Variants in SBNO2 observed in about 807,000 individuals in gnomAD.
The protein encoded by SBNO2 is protein strawberry notch homolog 2.
In SBNO2, 89 loss-of-function variants were observed where a neutral mutation model predicts 146.3. The observed-to-expected ratio is 0.61, with a 90% CI of 0.51 to 0.73. The LOEUF (loss-of-function observed/expected upper bound fraction) is 0.73. SBNO2 is among the 30% of genes least tolerant of loss of function. The pLI, the probability that SBNO2 is intolerant of heterozygous loss-of-function variation, is 0.00. For missense variants in SBNO2, 2,092 were observed against 2,003.7 expected (o/e 1.04, Z -0.84); for synonymous variants, 1,147 against 892.6 (o/e 1.29, Z -5.08).
intron 4 of SBNO2, chr19:1,128,198 G>A (rs1275915108): frequency 1.8e-5 from 9 of 495,136 alleles, no homozygotes; most frequent in Non-Finnish European, 3.6e-5. Flanking sequence ...GGCCACGCAG[G>A]ACGGCGTCTG....
Position 1,127,754 on chromosome 19 carries a change from A to G in SBNO2, c.291T>C (p.Tyr97=). Residue 97 remains tyrosine, a synonymous_variant, in exon 5 of 32, where the codon TAT becomes TAC. Transcript: ENST00000361757. ...KTCDFAQDSS[Y]FEDFSNISIF... is the part of the protein sequence containing the mutation. ...TGGAGATGTTGGAGAAGTCCTCAAA[A>G]TAGGAGGAGTCCTGGAAGACAAGGC... 1 of 1,613,330 alleles carries G rather than the reference A, an allele frequency of 6.2e-7. No individual in the cohort carries two copies. The highest frequency in any genetic ancestry group is 8.5e-7 in the Non-Finnish European group (1 of 1,179,654).
chr19:1,163,486 C>T (rs1337332859), intron 1 of SBNO2, among the ~76,000 whole-genome samples: 2 of 152,200 alleles, frequency 1.3e-5, no homozygotes, highest in Non-Finnish European at 2.9e-5. Flanking sequence ...ACGAGAAGCT[C>T]GTCCAGGGAG....
chr19:1,121,974 C>T (rs2079905504), intron 11 of SBNO2, among the ~76,000 whole-genome samples, 165 bp downstream of exon 11: 1 of 152,090 alleles, frequency 6.6e-6, no homozygotes, highest in Non-Finnish European at 1.5e-5. Context: ...TAGTGAGCTC[C>T]AGTGGCCTCC....
Position 1,108,307 on chromosome 19 carries a change from C to A in SBNO2, c.4014G>T (p.Gly1338=). 6.8e-7 allele frequency: 1 copy of A among 1,462,888 alleles called. No homozygotes were observed. The allele number at this position is 1,462,888 out of a possible 1,614,324, so 90.6% of individuals were successfully genotyped here. Residue 1338 remains glycine (G), a synonymous_variant, in exon 32 of 32, where the codon GGG becomes GGT. Coordinates refer to ENST00000361757, the MANE Select transcript of SBNO2 (RefSeq NM_014963.3). ...PSEGALGEGA[G]AGGAAGGGPE... ...GACCACCGCCCGCCGCGCCCCCCGCCCCCGCGCCCTCCCCCAGCGCGCCCT... is the reference window on the plus strand; with the variant it reads ...GACCACCGCCCGCCGCGCCCCCCGCACCCGCGCCCTCCCCCAGCGCGCCCT...
intron 3 of SBNO2, among the ~76,000 whole-genome samples, 159 bp from the exon 4 acceptor site, chr19:1,147,579 G>A (rs967625888): frequency 6.6e-6 from 1 of 152,000 alleles, no homozygotes; most frequent in African/African-American, 2.4e-5. Context: ...CATACAGAGG[G>A]GCCTCCAGGG....
rs113243056 is a variant in SBNO2, at chr19:1,140,922, G to T, written c.279+6387C>A. ...CTCCGGTCCACGCCGCACTGTACAT[G>T]GTGCCGTCTGAGGGATTCCTCCATC... On this transcript the variant is annotated intron_variant, in intron 4 of 31. Coordinates refer to ENST00000361757, the MANE Select transcript of SBNO2 (RefSeq NM_014963.3). This position sits in a 1 kb window ranked among gnomAD's most constrained non-coding sequence, Gnocchi z 4.4. Among the ~76,000 whole-genome samples, 15 of 152,146 alleles carry T rather than the reference G, an allele frequency of 9.9e-5. No individual in the cohort carries two copies. Among genetic ancestry groups the T allele is most frequent in the Non-Finnish European group, 7.4e-5 (5 of 68,022 alleles).
At position 1,126,662 on chromosome 19, in the gene SBNO2, G is replaced by A. The variant is rs897522815; in HGVS notation, c.441+942C>T. Among the ~76,000 whole-genome samples, 4 of 152,192 alleles carry A rather than the reference G, an allele frequency of 2.6e-5. No homozygotes were observed. Among genetic ancestry groups the A allele is most frequent in the Admixed American group, 2.0e-4 (3 of 15,286 alleles). ...TCTGCTGCCCGGGTTGCCCCTTCCT[G>A]AGGGCCCGGGAGAGCGGCCTATGGG... On this transcript the variant is annotated intron_variant, in intron 5 of 31. Coordinates refer to ENST00000361757, the MANE Select transcript of SBNO2 (RefSeq NM_014963.3). The surrounding 1 kb of genome is among the most constrained non-coding windows in gnomAD (Gnocchi z 4.4).
chr19:1,159,749 C>G (rs1433576476), intron 1 of SBNO2, among the ~76,000 whole-genome samples: 1 of 90,460 alleles, frequency 1.1e-5, no homozygotes, highest in Non-Finnish European at 2.1e-5. Context: ...AACAGGGAGA[C>G]AGCGGGGAGA....
chr19:1,155,918 C>T (rs1174400993), intron 1 of SBNO2, among the ~76,000 whole-genome samples: 3 of 152,206 alleles, frequency 2.0e-5, no homozygotes, highest in African/African-American at 7.2e-5. Flanking sequence ...CTGCAGGTTC[C>T]ATCTCACGGC....
At chr19:1,163,910 C>T (rs900441832) in intron 1 of SBNO2, among the ~76,000 whole-genome samples, 8 of 152,206 alleles carry the variant, frequency 5.3e-5, no homozygotes, top group Non-Finnish European at 7.4e-5. Context: ...ACTGCAGCCT[C>T]ACCGCCCCAT....
At chr19:1,160,096 C>T (rs934057423) in intron 1 of SBNO2, among the ~76,000 whole-genome samples, 1 of 152,188 alleles carries the variant, frequency 6.6e-6, no homozygotes, top group African/African-American at 2.4e-5. Flanking sequence ...GGGCAGCACC[C>T]GCCCTCTGGC....
intron 1 of SBNO2, among the ~76,000 whole-genome samples, chr19:1,156,725 C>T (rs373151604): frequency 1.4e-4 from 22 of 152,280 alleles, no homozygotes; most frequent in Non-Finnish European, 2.9e-5. Context: ...GAGGACGTCA[C>T]GCTCTGTGAG....
At chr19:1,143,060 C>T (rs2080155654) in intron 4 of SBNO2, among the ~76,000 whole-genome samples, 2 of 152,176 alleles carry the variant, frequency 1.3e-5, no homozygotes, top group South Asian at 4.1e-4. Flanking sequence ...CCCTACCAAT[C>T]CCTCCAGGTT....
At chr19:1,116,971 G>GC in intron 15 of SBNO2, 45 bp from the exon 16 acceptor site, 1 of 1,499,214 alleles carries the variant, frequency 6.7e-7, no homozygotes, top group Non-Finnish European at 9.0e-7. Flanking sequence ...CTGCTGTGGG[G>GC]CCTCTGTGGG....
At chr19:1,125,107 C>G (rs2145233104) in intron 5 of SBNO2, among the ~76,000 whole-genome samples, 1 of 151,960 alleles carries the variant, frequency 6.6e-6, no homozygotes, top group South Asian at 2.1e-4. Flanking sequence ...AATCCCAGCA[C>G]TTTGGGAGGC....
chr19:1,160,420 C>T (rs1253418031), intron 1 of SBNO2, among the ~76,000 whole-genome samples: 4 of 152,226 alleles, frequency 2.6e-5, no homozygotes, highest in Non-Finnish European at 1.5e-5. Flanking sequence ...ACAATGGCGG[C>T]CGCCTGGCTG....
rs558355030 is a variant in SBNO2, at chr19:1,126,620, C to G, written c.441+984G>C. Among the ~76,000 whole-genome samples, 13 of 152,246 alleles carry G rather than the reference C, an allele frequency of 8.5e-5. No homozygotes were observed. In the East Asian group the frequency reaches 2.5e-3, roughly 29 times the overall value. On this transcript the variant is annotated intron_variant, in intron 5 of 31. Transcript: ENST00000361757. The surrounding 1 kb of genome is among the most constrained non-coding windows in gnomAD (Gnocchi z 4.4). ...GGTGCCCTGATGCTTCCTGCCTGGG[C>G]CCCCAAGCCCGTGAGTTCTGCTGCC...
intron 1 of SBNO2, among the ~76,000 whole-genome samples, chr19:1,161,636 G>A (rs886553912): frequency 5.3e-5 from 8 of 151,702 alleles, no homozygotes; most frequent in South Asian, 2.1e-4. Flanking sequence ...CCGATGAAGC[G>A]GGTCTCAGGA....
chr19:1,162,255 C>T (rs1226191091), intron 1 of SBNO2, among the ~76,000 whole-genome samples: 64 of 2,506 alleles, frequency 0.026, no homozygotes, highest in East Asian at 0.049. Context: ...GTCAGGAGAT[C>T]GAGACCAGCC....
Sources: gnomAD v4.1 joint callset for allele counts (sites outside exome capture counted in the v4.1 genomes callset) on GRCh38, gnomAD v4.1.1 for gene constraint, Gnocchi (gnomAD v3.1) non-coding constraint, MANE v1.5 for transcripts, NCBI Gene and HGNC (gene_info 2026-07-23, HGNC 2026-07-21) for gene names.